The following CPQ variants were observed in gnomAD, a reference collection of about 807,000 sequenced individuals.
CPQ encodes the protein Ser-Met dipeptidase.
A neutral mutation model predicts 45.7 loss-of-function variants in CPQ; 37 were observed. That is an observed-to-expected ratio of 0.81 (90% CI 0.62 to 1.07). The LOEUF (loss-of-function observed/expected upper bound fraction) is 1.07. Ranked by LOEUF, CPQ falls within the 50% of genes least tolerant of loss-of-function variation. The pLI, the probability that CPQ is intolerant of heterozygous loss-of-function variation, is 0.00. For missense variants in CPQ, 537 were observed against 572.9 expected (o/e 0.94, Z 0.64); for synonymous variants, 186 against 205.8 (o/e 0.90, Z 0.82).
chr8:97,086,472 T>A (rs1811042831), intron 7 of CPQ, among the ~76,000 whole-genome samples: 1 of 152,234 alleles, frequency 6.6e-6, no homozygotes, highest in Non-Finnish European at 1.5e-5. Context: ...AGGGCAGATC[T>A]GAAATCTGCT....
intron 2 of CPQ, among the ~76,000 whole-genome samples, chr8:96,833,818 C>G (rs1811490732): frequency 6.6e-6 from 1 of 152,072 alleles, no homozygotes; most frequent in African/African-American, 2.4e-5. Flanking sequence ...GTAGCCAGCC[C>G]AAAGGGCCCA....
chr8:96,727,180 A>G (rs143356006), intron 1 of CPQ, among the ~76,000 whole-genome samples: 1,833 of 152,274 alleles, frequency 0.012, 41 homozygotes, highest in African/African-American at 0.042. Context: ...TGAGTTTTCC[A>G]CTTTAGGGAG....
chr8:96,802,238 G>A (rs1238455496), intron 2 of CPQ, among the ~76,000 whole-genome samples: 1 of 152,138 alleles, frequency 6.6e-6, no homozygotes, highest in Non-Finnish European at 1.5e-5. Context: ...GCTATGTCAG[G>A]TTAGTGCTCT....
chr8:96,890,544 G>T (rs1027419508), intron 4 of CPQ, among the ~76,000 whole-genome samples: 1 of 152,142 alleles, frequency 6.6e-6, no homozygotes, highest in Non-Finnish European at 1.5e-5. Context: ...AAGAGATGCC[G>T]TAAGGATCTC....
intron 4 of CPQ, among the ~76,000 whole-genome samples, chr8:96,951,134 TA>T (rs1276016854): frequency 6.6e-6 from 1 of 152,122 alleles, no homozygotes; most frequent in Non-Finnish European, 1.5e-5. Context: ...AACGCTGCAC[TA>T]AAATTTGTCT....
At chr8:97,074,163 C>T (rs557703528) in intron 7 of CPQ, among the ~76,000 whole-genome samples, 1 of 152,318 alleles carries the variant, frequency 6.6e-6, no homozygotes, top group African/African-American at 2.4e-5. Context: ...TTAAAGCACA[C>T]ACTTTAACTT....
At chr8:96,872,688 C>A (rs1812087726) in intron 3 of CPQ, among the ~76,000 whole-genome samples, 3 of 151,604 alleles carry the variant, frequency 2.0e-5, no homozygotes, top group Admixed American at 2.0e-4. Context: ...AGAAACAAAA[C>A]CAATAGGATG....
intron 5 of CPQ, among the ~76,000 whole-genome samples, chr8:97,001,107 T>G (rs1809272844): frequency 6.6e-6 from 1 of 152,200 alleles, no homozygotes; most frequent in African/African-American, 2.4e-5. Flanking sequence ...GAGACTTTGC[T>G]GAAGTTGCTT....
At chr8:97,112,227 G>A (rs948317397) in intron 7 of CPQ, among the ~76,000 whole-genome samples, 1 of 150,600 alleles carries the variant, frequency 6.6e-6, no homozygotes, top group Admixed American at 6.6e-5. Flanking sequence ...GATGAAAACA[G>A]TGTCTACTTC....
intron 7 of CPQ, among the ~76,000 whole-genome samples, chr8:97,121,771 A>C (rs1292887980): frequency 6.6e-6 from 1 of 152,144 alleles, no homozygotes; most frequent in African/African-American, 2.4e-5. Flanking sequence ...AGGATTTAAG[A>C]GAAATCAGAA....
At chr8:97,051,469 T>A (rs1810361320) in intron 6 of CPQ, among the ~76,000 whole-genome samples, 1 of 152,214 alleles carries the variant, frequency 6.6e-6, no homozygotes, top group Admixed American at 6.5e-5. Context: ...ACAAGTCTAA[T>A]GTGATATGAA....
chr8:96,835,453 ATATAT>A (rs1428666535), intron 3 of CPQ, among the ~76,000 whole-genome samples: 2 of 152,106 alleles, frequency 1.3e-5, no homozygotes, highest in South Asian at 2.1e-4. Context: ...TATATAACTA[ATATAT>A]TATGTATTTT....
chr8:96,903,527 T>C (rs1366163681), intron 4 of CPQ, among the ~76,000 whole-genome samples: 1 of 152,214 alleles, frequency 6.6e-6, no homozygotes, highest in African/African-American at 2.4e-5. Context: ...CTGCCTGTTA[T>C]GCCTGTCTCC....
intron 6 of CPQ, among the ~76,000 whole-genome samples, chr8:97,046,568 C>T (rs1457454937): frequency 2.6e-5 from 4 of 152,200 alleles, no homozygotes; most frequent in African/African-American, 7.2e-5. Flanking sequence ...AACAGAATTT[C>T]TGTTACTAGT....
chr8:96,737,257 A>C (rs1297354290), intron 1 of CPQ, among the ~76,000 whole-genome samples: 1 of 148,764 alleles, frequency 6.7e-6, no homozygotes, highest in Admixed American at 6.8e-5. Context: ...ACACACACAA[A>C]AAAAAACTAA....
rs968165957 is a variant in CPQ, at chr8:96,965,980, G to T, written c.895G>T (p.Gly299Cys). 1 of 1,614,008 alleles carries T rather than the reference G, an allele frequency of 6.2e-7. No homozygotes were observed. The highest frequency in any genetic ancestry group is 8.5e-7 in the Non-Finnish European group (1 of 1,179,948). ...TCTGGACAGCTGGGATGTTGGGCAG[G>T]GTGCCATGGATGATGGCGGTGGAGC... ...GHLDSWDVGQ[G>C]AMDDGGGAFI... is the part of the protein sequence containing the mutation. Residue 299 changes from glycine to cysteine, a missense_variant, in exon 5 of 8, where the codon GGT becomes TGT. Transcript: ENST00000220763.
chr8:96,936,751 G>T (rs938702991), intron 4 of CPQ, among the ~76,000 whole-genome samples: 3 of 152,168 alleles, frequency 2.0e-5, no homozygotes, highest in African/African-American at 7.2e-5. Context: ...GACTGGGGAA[G>T]GGAGTATGGT....
At chr8:96,852,899 G>A (rs1244980466) in intron 3 of CPQ, among the ~76,000 whole-genome samples, 1 of 152,148 alleles carries the variant, frequency 6.6e-6, no homozygotes, top group Admixed American at 6.5e-5. Context: ...AAGTAAAAAA[G>A]GTGATAGTGA....
At chr8:96,854,505 T>C (rs1811814907) in intron 3 of CPQ, among the ~76,000 whole-genome samples, 2 of 84,744 alleles carry the variant, frequency 2.4e-5, no homozygotes, top group Admixed American at 3.8e-4. Context: ...CACTCCAGCC[T>C]GGGCGACAGA....
Sources: gnomAD v4.1 joint callset for allele counts (sites outside exome capture counted in the v4.1 genomes callset) on GRCh38, gnomAD v4.1.1 for gene constraint, MANE v1.5 for transcripts, NCBI Gene and HGNC (gene_info 2026-07-23, HGNC 2026-07-21) for gene names.